ATP8A2: variants seen among roughly 807,000 people sequenced by gnomAD.
ATP8A2 encodes phospholipid-transporting ATPase IB.
A neutral mutation model predicts 165.6 loss-of-function variants in ATP8A2; 100 were observed. The observed-to-expected ratio is 0.60, with a 90% CI of 0.51 to 0.71. ATP8A2 has a LOEUF of 0.71. ATP8A2 is among the 30% of genes least tolerant of loss of function. ATP8A2 has a pLI of 0.00. For missense variants in ATP8A2, 1,227 were observed against 1,479.5 expected, an observed-to-expected ratio of 0.83 and a Z score of 2.80; for synonymous variants, 543 against 548.8, an observed-to-expected ratio of 0.99 and a Z score of 0.15.
At chr13:25,581,327 A>C (rs1393714589) in intron 22 of ATP8A2, among the ~76,000 whole-genome samples, 1 of 152,216 alleles carries the variant, frequency 6.6e-6, no homozygotes, top group Non-Finnish European at 1.5e-5. Context: ...CAAAAGGGGC[A>C]ACATTTTATA....
intron 21 of ATP8A2, 122 bp downstream of exon 21, chr13:25,579,021 T>C: frequency 1.4e-6 from 1 of 716,578 alleles, no homozygotes; most frequent in Non-Finnish European, 2.5e-6. Context: ...CCCATGGCAG[T>C]GACAAGATGC....
intron 2 of ATP8A2, among the ~76,000 whole-genome samples, chr13:25,522,488 A>T (rs967224527): frequency 4.6e-5 from 7 of 152,058 alleles, no homozygotes; most frequent in African/African-American, 1.7e-4. Context: ...CATGTTCCAG[A>T]TCTTAGAGGA....
At chr13:25,815,670 C>T (rs1950997774) in intron 27 of ATP8A2, among the ~76,000 whole-genome samples, 1 of 152,178 alleles carries the variant, frequency 6.6e-6, no homozygotes, top group Non-Finnish European at 1.5e-5. Flanking sequence ...TATGATCCAG[C>T]AATTCTACTT....
intron 25 of ATP8A2, among the ~76,000 whole-genome samples, chr13:25,746,348 G>A (rs895987241): frequency 2.0e-5 from 3 of 152,184 alleles, no homozygotes; most frequent in Non-Finnish European, 2.9e-5. Flanking sequence ...GGATGGCAAG[G>A]GCTGTGCATC....
chr13:25,470,116 AC>A (rs2035802326), intron 2 of ATP8A2, among the ~76,000 whole-genome samples: 1 of 152,230 alleles, frequency 6.6e-6, no homozygotes, highest in African/African-American at 2.4e-5. Flanking sequence ...TACTGCACTA[AC>A]ACTTGTACAA....
chr13:25,536,821 A>C (rs1593486530), intron 6 of ATP8A2, among the ~76,000 whole-genome samples: 1 of 152,140 alleles, frequency 6.6e-6, no homozygotes, highest in African/African-American at 2.4e-5. Context: ...TTATGCTCCC[A>C]CTGATGGAGA....
chr13:25,388,435 G>A (rs1489332751), intron 1 of ATP8A2, among the ~76,000 whole-genome samples: 1 of 152,154 alleles, frequency 6.6e-6, no homozygotes, highest in Non-Finnish European at 1.5e-5. Flanking sequence ...CTCCCCAAGT[G>A]AGCAATTCCT....
intron 4 of ATP8A2, among the ~76,000 whole-genome samples, chr13:25,531,388 ATATATATGAT>A (rs1203415597): frequency 0.1 from 7,091 of 70,840 alleles, 497 homozygotes; most frequent in African/African-American, 0.24. Context: ...TATATATGAT[ATATATATGAT>A]TATATATATG....
At chr13:25,718,387 A>AT (rs11418446) in intron 25 of ATP8A2, among the ~76,000 whole-genome samples, 36,684 of 151,520 alleles carry the variant, frequency 0.24, 6,659 homozygotes, top group African/African-American at 0.51. Context: ...TTTGCTATTC[A>AT]TTTTTTTTCC....
At chr13:25,969,017 A>C (rs1955853477) in intron 35 of ATP8A2, among the ~76,000 whole-genome samples, 2 of 152,234 alleles carry the variant, frequency 1.3e-5, no homozygotes, top group East Asian at 3.9e-4. Flanking sequence ...TAGGCCTTTG[A>C]ATTTCAAACC....
chr13:25,431,338 G>C (rs898529961), intron 1 of ATP8A2, among the ~76,000 whole-genome samples: 1 of 151,684 alleles, frequency 6.6e-6, no homozygotes, highest in Non-Finnish European at 1.5e-5. Flanking sequence ...TAGTAGAGAC[G>C]GGGTTTCTCC....
chr13:25,790,797 C>T (rs2045150385), intron 27 of ATP8A2, among the ~76,000 whole-genome samples: 1 of 151,714 alleles, frequency 6.6e-6, no homozygotes, highest in South Asian at 2.1e-4. Flanking sequence ...CATCACAGAT[C>T]ATTAGAGAAA....
intron 34 of ATP8A2, among the ~76,000 whole-genome samples, chr13:25,963,271 G>A (rs888870677): frequency 2.0e-5 from 3 of 151,996 alleles, no homozygotes; most frequent in South Asian, 2.1e-4. Flanking sequence ...GCGGGCACCT[G>A]TAGTCCCAGC....
intron 33 of ATP8A2, among the ~76,000 whole-genome samples, chr13:25,954,987 A>G (rs911761890): frequency 1.3e-5 from 2 of 152,210 alleles, no homozygotes; most frequent in Non-Finnish European, 2.9e-5. Context: ...ACAAAATTGG[A>G]TAGAGAATGA....
chr13:25,377,777 G>A (rs2032688252), intron 1 of ATP8A2, among the ~76,000 whole-genome samples: 1 of 152,066 alleles, frequency 6.6e-6, no homozygotes, highest in Non-Finnish European at 1.5e-5. Flanking sequence ...GGGCAACAGG[G>A]TGAGACTCTC....
chr13:25,646,834 T>G (rs544999027), intron 24 of ATP8A2, among the ~76,000 whole-genome samples: 39 of 152,284 alleles, frequency 2.6e-4, no homozygotes, highest in African/African-American at 8.9e-4. Context: ...GCAGCCTTCC[T>G]TTGTGGTTTG....
At chr13:25,978,631 T>C (rs1956112507) in intron 35 of ATP8A2, among the ~76,000 whole-genome samples, 1 of 152,032 alleles carries the variant, frequency 6.6e-6, no homozygotes, top group Non-Finnish European at 1.5e-5. Context: ...CGTCCTGGAC[T>C]GTTACAGGCA....
rs79722176 is a variant in ATP8A2 at position 25,463,834 on chromosome 13, C to T, written c.77-5143C>T. Reference sequence around the variant, plus strand: ...GGTGAGCTGCTGACTGAGTGTCCCTCCCCTTCCACCCCCTCATGCTTCTGT... The same window carrying T: ...GGTGAGCTGCTGACTGAGTGTCCCTTCCCTTCCACCCCCTCATGCTTCTGT... On this transcript the variant is annotated intron_variant, in intron 1 of 36. Transcript: ENST00000381655. 2.4e-3 allele frequency among the ~76,000 whole-genome samples: 366 copies of T among 152,248 alleles called. 16 individuals carry two copies. In the East Asian group the frequency reaches 0.065, roughly 27 times the overall value.
At chr13:25,454,923 A>G (rs187560100) in intron 1 of ATP8A2, among the ~76,000 whole-genome samples, 1 of 149,810 alleles carries the variant, frequency 6.7e-6, no homozygotes, top group East Asian at 1.9e-4. Flanking sequence ...CTCCGTCTCA[A>G]AAAACAAAAA....
Sources: gnomAD v4.1 joint callset for allele counts (sites outside exome capture counted in the v4.1 genomes callset) on GRCh38, gnomAD v4.1.1 for gene constraint, MANE v1.5 for transcripts, NCBI Gene and HGNC (gene_info 2026-07-23, HGNC 2026-07-21) for gene names.